The following SORCS3 variants were observed in gnomAD, a reference collection of about 807,000 sequenced individuals.
SORCS3 encodes VPS10 domain-containing receptor SorCS3.
A neutral mutation model predicts 146.3 loss-of-function variants in SORCS3; 57 were observed. That is an observed-to-expected ratio of 0.39 (90% CI 0.31 to 0.49). The LOEUF (loss-of-function observed/expected upper bound fraction) is 0.49. SORCS3 is among the 20% of genes least tolerant of loss of function. The pLI, the probability that SORCS3 is intolerant of heterozygous loss-of-function variation, is 0.92. For synonymous variants in SORCS3, 653 were observed against 618.5 expected (o/e 1.06, Z -0.83); for missense variants, 1,341 against 1,575.5 (o/e 0.85, Z 2.52).
At chr10:104,940,155 G>A (rs2019296900) in intron 3 of SORCS3, among the ~76,000 whole-genome samples, 1 of 139,460 alleles carries the variant, frequency 7.2e-6, no homozygotes, top group African/African-American at 2.5e-5. Flanking sequence ...GACTTTTCCA[G>A]GAAAGGGGCA....
At chr10:105,233,106 C>A (rs1589700787) in intron 20 of SORCS3, among the ~76,000 whole-genome samples, 1 of 151,146 alleles carries the variant, frequency 6.6e-6, no homozygotes, top group Admixed American at 6.6e-5. Flanking sequence ...GTATATCACT[C>A]ATACTTTAAA....
intron 1 of SORCS3, among the ~76,000 whole-genome samples, chr10:104,823,023 GT>G (rs1326637122): frequency 6.6e-6 from 1 of 152,196 alleles, no homozygotes; most frequent in Non-Finnish European, 1.5e-5. Context: ...CAGGTAAGCA[GT>G]TTGTAAAAGG....
At chr10:104,746,467 G>A (rs539339362) in intron 1 of SORCS3, among the ~76,000 whole-genome samples, 1 of 152,260 alleles carries the variant, frequency 6.6e-6, no homozygotes, top group Admixed American at 6.5e-5. Flanking sequence ...GATTAAATAA[G>A]GCTAATGAAC....
At chr10:104,810,647 A>C (rs1032667257) in intron 1 of SORCS3, among the ~76,000 whole-genome samples, 3 of 152,316 alleles carry the variant, frequency 2.0e-5, no homozygotes, top group South Asian at 4.1e-4. Flanking sequence ...TCTGCTGTAC[A>C]TAGTCTTAGA....
rs148179274 is a variant in SORCS3 at position 105,091,463 on chromosome 10, C to T, written c.1093+1624C>T. Among the ~76,000 whole-genome samples the T allele has an allele frequency of 8.5e-3, 473 of 55,560 alleles. 1 individual carries two copies. The highest frequency in any genetic ancestry group is 0.011 in the Admixed American group (49 of 4,566). The allele number at this position is 55,560 out of a possible 152,430, so 36.4% of individuals were successfully genotyped here. On this transcript the variant is annotated intron_variant, in intron 6 of 26. Transcript: ENST00000369701. ...CCTTCGTTCCTTCCTTCCTCCCTCC[C>T]TCCCTCCTTCCCTCCTTCCTTCCTT...
intron 1 of SORCS3, among the ~76,000 whole-genome samples, chr10:104,832,348 C>T (rs1360254156): frequency 2.0e-5 from 3 of 152,122 alleles, no homozygotes; most frequent in African/African-American, 4.8e-5. Flanking sequence ...GTAAGTAACC[C>T]CTTCATTACC....
At chr10:104,801,445 T>C (rs1156541224) in intron 1 of SORCS3, among the ~76,000 whole-genome samples, 1 of 152,168 alleles carries the variant, frequency 6.6e-6, no homozygotes, top group Non-Finnish European at 1.5e-5. Context: ...TACTTATCAG[T>C]GTAATTTTGA....
intron 7 of SORCS3, among the ~76,000 whole-genome samples, chr10:105,134,661 G>A (rs2056046503): frequency 1.3e-5 from 2 of 151,964 alleles, no homozygotes; most frequent in Admixed American, 6.6e-5. Context: ...CTCTTGAACG[G>A]CCCCAACTCT....
intron 2 of SORCS3, among the ~76,000 whole-genome samples, chr10:104,876,597 C>G (rs1002383226): frequency 2.0e-5 from 3 of 152,084 alleles, no homozygotes; most frequent in African/African-American, 4.8e-5. Context: ...ATGGCTCTGA[C>G]CCTTGTTGAC....
intron 5 of SORCS3, among the ~76,000 whole-genome samples, chr10:105,072,647 TTCTCTC>T (rs79467880): frequency 3.2e-5 from 1 of 30,804 alleles, no homozygotes; most frequent in Non-Finnish European, 7.4e-5. Context: ...TTTTCTTTCT[TTCTCTC>T]TCTCTCTTTT....
intron 4 of SORCS3, among the ~76,000 whole-genome samples, chr10:104,998,830 C>T (rs996644998): frequency 9.9e-5 from 15 of 152,116 alleles, no homozygotes; most frequent in Non-Finnish European, 8.8e-5. Context: ...CTGTGACTGG[C>T]TTATCTTTAC....
intron 1 of SORCS3, among the ~76,000 whole-genome samples, chr10:104,655,466 C>T (rs989649426): frequency 3.9e-5 from 6 of 151,994 alleles, no homozygotes; most frequent in South Asian, 2.1e-4. Context: ...TTCATGAGTT[C>T]TCATCATTTA....
intron 12 of SORCS3, among the ~76,000 whole-genome samples, chr10:105,165,528 C>G (rs750292595): frequency 6.6e-6 from 1 of 152,050 alleles, no homozygotes; most frequent in Admixed American, 6.6e-5. Flanking sequence ...CAAGTACTTA[C>G]GAGACAAAAG....
intron 4 of SORCS3, among the ~76,000 whole-genome samples, chr10:105,033,703 A>T (rs1010860068): frequency 6.6e-6 from 1 of 152,224 alleles, no homozygotes; most frequent in African/African-American, 2.4e-5. Flanking sequence ...CTGTCATTAA[A>T]TATCAAAAAA....
At chr10:104,907,501 C>T (rs1452924449) in intron 2 of SORCS3, among the ~76,000 whole-genome samples, 1 of 152,140 alleles carries the variant, frequency 6.6e-6, no homozygotes, top group Non-Finnish European at 1.5e-5. Flanking sequence ...CAGCCTCTGT[C>T]CTACCTGAGA....
chr10:105,095,894 G>A (rs1235055908), intron 6 of SORCS3, among the ~76,000 whole-genome samples: 1 of 152,074 alleles, frequency 6.6e-6, no homozygotes, highest in Non-Finnish European at 1.5e-5. Flanking sequence ...ACAGAAGCAA[G>A]ATCTGCTCAT....
At chr10:104,965,512 C>T (rs1000025861) in intron 3 of SORCS3, among the ~76,000 whole-genome samples, 3 of 152,200 alleles carry the variant, frequency 2.0e-5, no homozygotes, top group Admixed American at 1.3e-4. Context: ...TCTGTAGTGG[C>T]TGCACCATTT....
intron 4 of SORCS3, among the ~76,000 whole-genome samples, chr10:104,981,562 G>C (rs1589577865): frequency 6.6e-6 from 1 of 152,170 alleles, no homozygotes; most frequent in African/African-American, 2.4e-5. Context: ...TAGCTGGAGG[G>C]CTCAATAATC....
At chr10:105,067,940 G>A (rs190533769) in intron 5 of SORCS3, among the ~76,000 whole-genome samples, 1 of 151,898 alleles carries the variant, frequency 6.6e-6, no homozygotes, top group Admixed American at 6.6e-5. Context: ...TCTCTTCATT[G>A]TTTCATTTGC....
Sources: gnomAD v4.1 joint callset for allele counts (sites outside exome capture counted in the v4.1 genomes callset) on GRCh38, gnomAD v4.1.1 for gene constraint, MANE v1.5 for transcripts, NCBI Gene and HGNC (gene_info 2026-07-23, HGNC 2026-07-21) for gene names.